WDFY4: variants seen among roughly 807,000 people sequenced by gnomAD.
WDFY4 encodes the protein WD repeat- and FYVE domain-containing protein 4.
A neutral mutation model predicts 351.9 loss-of-function variants in WDFY4; 169 were observed. That is an observed-to-expected ratio of 0.48 (90% CI 0.42 to 0.55). The LOEUF is 0.55. Among genes scored for constraint, WDFY4 ranks in the 20% least tolerant of loss-of-function variants. The probability of loss-of-function intolerance (pLI) is 0.00; values close to 1 mark genes in which losing one functional copy is unlikely to be tolerated. For synonymous variants in WDFY4, 1,622 were observed against 1,574.6 expected (o/e 1.03, Z -0.71); for missense variants, 3,803 against 3,935.6 (o/e 0.97, Z 0.90).
intron 59 of WDFY4, among the ~76,000 whole-genome samples, chr10:48,977,463 A>ATGTATCCC (rs1045742139): frequency 6.6e-6 from 1 of 151,534 alleles, no homozygotes; most frequent in African/African-American, 2.4e-5. Context: ...CCATCCATCC[A>ATGTATCCC]TCCATGTATC....
chr10:48,836,976 G>T (rs2620904), intron 39 of WDFY4, among the ~76,000 whole-genome samples: 1 of 151,860 alleles, frequency 6.6e-6, no homozygotes, highest in African/African-American at 2.4e-5. Flanking sequence ...ACATCAACAA[G>T]CAATGTTGGT....
chr10:48,946,876 G>A lies in WDFY4; in HGVS notation c.7884G>A (p.Gln2628=), dbSNP rs1332665044. Reference sequence around the variant, plus strand: ...TTGTTGCAGGAGACATGACTGTCCAGTGCCACTACTACACCCACTACTCCT... The same window carrying A: ...TTGTTGCAGGAGACATGACTGTCCAATGCCACTACTACACCCACTACTCCT... The part of the protein sequence containing the change: ...VEKTEGDMTV[Q]CHYYTHYSSA... Residue 2628 remains glutamine (Q), a synonymous_variant, in exon 51 of 62, where the codon CAG becomes CAA. Transcript: ENST00000325239. The A allele has an allele frequency of 1.3e-6, 2 of 1,551,858 alleles. No individual in the cohort carries two copies. The highest frequency in any genetic ancestry group is 2.0e-5 in the Admixed American group (1 of 50,982).
In WDFY4 at chr10:48,807,710, G is replaced by A. The variant is rs116259321; in HGVS notation, c.4739-149G>A. 2.1e-3 allele frequency: 1,523 copies of A among 708,442 alleles called. 15 individuals carry two copies. The African/African-American group carries it at 0.025, about 12-fold the overall frequency. 43.9% of individuals were successfully genotyped at this position (708,442 alleles called of 1,614,324 possible). ...TGAAATTCTTTTTAAGCATTGTGTG[G>A]AGGCTGGAATAAAATGCCAAAATTT... On this transcript the variant is annotated intron_variant, in intron 27 of 61. Transcript: ENST00000325239.
At chr10:48,790,344 CAACAA>C (rs2066636351) in intron 22 of WDFY4, among the ~76,000 whole-genome samples, 1 of 152,174 alleles carries the variant, frequency 6.6e-6, no homozygotes, top group African/African-American at 2.4e-5. Flanking sequence ...AATAGCAAGG[CAACAA>C]ATTGGTGCAA....
At chr10:48,972,768 A>C (rs1842391402) in intron 57 of WDFY4, among the ~76,000 whole-genome samples, 1 of 152,214 alleles carries the variant, frequency 6.6e-6, no homozygotes. Context: ...CTGTGACTTA[A>C]TCATACCACC....
chr10:48,888,544 T>C (rs570630507), intron 43 of WDFY4, among the ~76,000 whole-genome samples: 1 of 152,128 alleles, frequency 6.6e-6, no homozygotes, highest in African/African-American at 2.4e-5. Context: ...AGTGTCATCT[T>C]TTGGAAACAA....
At chr10:48,922,597 G>A (rs780387824) in intron 47 of WDFY4, among the ~76,000 whole-genome samples, 11 of 152,066 alleles carry the variant, frequency 7.2e-5, no homozygotes, top group East Asian at 5.8e-4. Flanking sequence ...CTTTATCATA[G>A]GCATGTTTTC....
chr10:48,791,347 G>C (rs1287636874), intron 23 of WDFY4, among the ~76,000 whole-genome samples: 1 of 152,230 alleles, frequency 6.6e-6, no homozygotes, highest in African/African-American at 2.4e-5. Context: ...CTGTAATAGG[G>C]TTGCAGTGAG....
At chr10:48,853,843 T>C (rs1368975309) in intron 39 of WDFY4, among the ~76,000 whole-genome samples, 3 of 152,212 alleles carry the variant, frequency 2.0e-5, no homozygotes, top group Non-Finnish European at 2.9e-5. Context: ...GCTATCTGTC[T>C]GTTCGTTAGG....
chr10:48,915,347 G>A lies in WDFY4; in HGVS notation c.7586+13484G>A, dbSNP rs143375384. Reference sequence around the variant, plus strand: ...GAAGGTCTGCAGCCAGGAAGAGGACGCAACTCTGTTCTGTTTGGTTCTGGG... The same window carrying A: ...GAAGGTCTGCAGCCAGGAAGAGGACACAACTCTGTTCTGTTTGGTTCTGGG... On this transcript the variant is annotated intron_variant, in intron 47 of 61. Coordinates refer to ENST00000325239, the MANE Select transcript of WDFY4 (RefSeq NM_001394531.1). 3.4e-3 allele frequency among the ~76,000 whole-genome samples: 512 copies of A among 152,072 alleles called. 7 individuals are homozygous for A. Among genetic ancestry groups the A allele is most frequent in the Admixed American group, 0.03 (452 of 15,282 alleles).
At chr10:48,936,702 G>T (rs1840385575) in intron 47 of WDFY4, among the ~76,000 whole-genome samples, 1 of 151,590 alleles carries the variant, frequency 6.6e-6, no homozygotes, top group Non-Finnish European at 1.5e-5. Flanking sequence ...GTTGGGCATT[G>T]TGGCAAGCAC....
At chr10:48,828,936 G>GGA (rs1555028379) in intron 37 of WDFY4, 40 bp downstream of exon 37, 2 of 245,530 alleles carry the variant, frequency 8.1e-6, no homozygotes, top group African/African-American at 5.5e-5. Context: ...GCGGGGGGGG[G>GGA]GCGGGGAGGG....
chr10:48,718,142 T>C (rs780940889), intron 2 of WDFY4, among the ~76,000 whole-genome samples: 6 of 152,256 alleles, frequency 3.9e-5, no homozygotes, highest in Non-Finnish European at 7.3e-5. Context: ...ATTAATAATT[T>C]GTTATTTATT....
chr10:48,733,608 A>C (rs1729233463), intron 9 of WDFY4, among the ~76,000 whole-genome samples: 1 of 152,202 alleles, frequency 6.6e-6, no homozygotes, highest in Non-Finnish European at 1.5e-5. Context: ...CAGCCCCATC[A>C]GCATTGCTTG....
chr10:48,905,554 T>C (rs1456223958), intron 47 of WDFY4, among the ~76,000 whole-genome samples: 1 of 152,236 alleles, frequency 6.6e-6, no homozygotes, highest in African/African-American at 2.4e-5. Flanking sequence ...AGGGCTATGC[T>C]GGGTCATTCC....
chr10:48,976,878 T>G lies in WDFY4; in HGVS notation c.9190T>G (p.Trp3064Gly). The change falls in exon 59 of 62, where the codon TGG becomes GGG. Residue 3064 changes from tryptophan to glycine, a missense_variant. By Grantham distance (184) the Trp-to-Gly change is radical. Transcript: ENST00000325239. Reference protein sequence around the residue: ...GQPLASITTAWGPEGAITCCC... With the variant: ...GQPLASITTAGGPEGAITCCC... ...GCCCCTGGCCAGCATCACCACAGCC[T>G]GGGGCCCAGAAGGAGCCATAACCTG... 1.9e-6 allele frequency: 3 copies of G among 1,540,356 alleles called. No homozygotes were observed. The highest frequency in any genetic ancestry group is 2.6e-6 in the Non-Finnish European group (3 of 1,140,752).
chr10:48,929,478 G>A (rs1252948801), intron 47 of WDFY4, among the ~76,000 whole-genome samples: 1 of 152,132 alleles, frequency 6.6e-6, no homozygotes, highest in African/African-American at 2.4e-5. Flanking sequence ...AAGTTGATTG[G>A]GTGGGTTAGA....
chr10:48,802,220 T>G (rs2067110524), intron 24 of WDFY4, among the ~76,000 whole-genome samples: 1 of 152,054 alleles, frequency 6.6e-6, no homozygotes, highest in Non-Finnish European at 1.5e-5. Flanking sequence ...CAAAAAAATT[T>G]TAACAATTAG....
rs1391868148 is a variant in WDFY4, at chr10:48,788,590, T to C, written c.3869T>C (p.Leu1290Pro). Residue 1290 changes from leucine (L) to proline (P), a missense_variant, in exon 21 of 62, where the codon CTT becomes CCT. Leu to Pro is a moderately conservative substitution (Grantham distance 98). Transcript: ENST00000325239. ...GCAGAAGAAAGAGTTTCTTTTGGAC[T>C]TCACATAGCCAGCTCCTCTATCACC... ...FVAEERVSFG[L>P]HIASSSITSV... The C allele has an allele frequency of 6.4e-7, 1 of 1,551,786 alleles. No homozygotes were observed. The highest frequency in any genetic ancestry group is 8.7e-7 in the Non-Finnish European group (1 of 1,147,028).
Sources: allele counts gnomAD v4.1 joint callset (sites outside exome capture counted in the v4.1 genomes callset), GRCh38; gene constraint gnomAD v4.1.1; transcripts MANE v1.5; gene names NCBI Gene and HGNC (gene_info 2026-07-23, HGNC 2026-07-21).